CLTCL1: variants seen among roughly 807,000 people sequenced by gnomAD.
The protein encoded by CLTCL1 is clathrin heavy chain 2.
In CLTCL1, 159 loss-of-function variants were observed where a neutral mutation model predicts 190.0. The ratio of observed to expected loss-of-function variants is 0.84; its 90% CI spans 0.74 to 0.95. CLTCL1 has a LOEUF of 0.95. Ranked by LOEUF, CLTCL1 falls within the 40% of genes least tolerant of loss-of-function variation. CLTCL1 has a pLI of 0.00. For missense variants in CLTCL1, 1,878 were observed against 2,033.4 expected (o/e 0.92, Z 1.47); for synonymous variants, 752 against 769.6 (o/e 0.98, Z 0.38).
chr22:19,231,275 A>G (rs549109691), intron 10 of CLTCL1, among the ~76,000 whole-genome samples: 2 of 152,192 alleles, frequency 1.3e-5, no homozygotes, highest in African/African-American at 4.8e-5. Context: ...GCCTAGGCTG[A>G]AGCAGTGACA....
chr22:19,272,650 T>C (rs2087360069), intron 2 of CLTCL1, among the ~76,000 whole-genome samples: 1 of 152,096 alleles, frequency 6.6e-6, no homozygotes, highest in Non-Finnish European at 1.5e-5. Flanking sequence ...TTTGTATTTT[T>C]AGTAGAGAGG....
intron 19 of CLTCL1, among the ~76,000 whole-genome samples, chr22:19,214,889 T>A (rs1301222074): frequency 6.6e-6 from 1 of 152,186 alleles, no homozygotes; most frequent in Non-Finnish European, 1.5e-5. Context: ...CCATGCTGGC[T>A]AGGCTGGTCT....
chr22:19,275,858 A>AT (rs782518391), intron 1 of CLTCL1, 28 bp from the exon 2 acceptor site: 2 of 1,553,482 alleles, frequency 1.3e-6, no homozygotes, highest in South Asian at 2.4e-5. Flanking sequence ...ATTTGATTAA[A>AT]TTTTTTTCCT....
At chr22:19,288,418 T>C (rs113808950) in intron 1 of CLTCL1, among the ~76,000 whole-genome samples, 1 of 152,206 alleles carries the variant, frequency 6.6e-6, no homozygotes, top group African/African-American at 2.4e-5. Flanking sequence ...ATATTCCCCA[T>C]GGGTAAATCG....
chr22:19,210,521 G>A lies in CLTCL1; in HGVS notation c.3066-12C>T, dbSNP rs782023041. The A allele has an allele frequency of 1.9e-6, 3 of 1,606,738 alleles. No homozygotes were observed. The East Asian group carries it at 6.7e-5, about 36-fold the overall frequency. ...GATTCTGTAGATTCCTGAGGAGAGA[G>A]GGTGGTCAGCACGGCATCCCAGGAA... On this transcript the variant is annotated splice_polypyrimidine_tract_variant and intron_variant, in intron 19 of 32. Coordinates refer to ENST00000427926, the MANE Select transcript of CLTCL1 (RefSeq NM_007098.4).
At chr22:19,261,450 G>A (rs889587733) in intron 2 of CLTCL1, among the ~76,000 whole-genome samples, 1 of 152,162 alleles carries the variant, frequency 6.6e-6, no homozygotes, top group East Asian at 1.9e-4. Context: ...CCATAAATAT[G>A]TCTCCTTTGA....
At chr22:19,289,072 C>T (rs1555991759) in intron 1 of CLTCL1, among the ~76,000 whole-genome samples, 1 of 152,206 alleles carries the variant, frequency 6.6e-6, no homozygotes, top group African/African-American at 2.4e-5. Flanking sequence ...CAACCTCTGC[C>T]TCCCGGGTTC....
At chr22:19,225,015 C>A (rs782639286) in intron 13 of CLTCL1, among the ~76,000 whole-genome samples, 2 of 152,208 alleles carry the variant, frequency 1.3e-5, no homozygotes, top group Non-Finnish European at 2.9e-5. Flanking sequence ...GTCAGCCCCC[C>A]ACAATCAACT....
intron 31 of CLTCL1, 133 bp downstream of exon 31, chr22:19,180,598 G>A (rs2084101078): frequency 4.9e-6 from 4 of 809,106 alleles, no homozygotes; most frequent in Non-Finnish European, 8.1e-6. Flanking sequence ...ACACCCAGTA[G>A]CCACTGGGAT....
chr22:19,276,725 A>G (rs1555983537), intron 1 of CLTCL1, among the ~76,000 whole-genome samples: 3 of 152,160 alleles, frequency 2.0e-5, no homozygotes, highest in African/African-American at 7.2e-5. Flanking sequence ...GCTGGAGTGC[A>G]GTGGTGCGAT....
intron 1 of CLTCL1, among the ~76,000 whole-genome samples, chr22:19,291,129 G>C (rs1413378423): frequency 6.6e-6 from 1 of 152,248 alleles, no homozygotes; most frequent in Admixed American, 6.5e-5. Context: ...TTGGCCCTGA[G>C]AAATTTTTCT....
At chr22:19,222,552 G>T in intron 15 of CLTCL1, 132 bp downstream of exon 15, 1 of 1,053,358 alleles carries the variant, frequency 9.5e-7, no homozygotes, top group Non-Finnish European at 1.4e-6. Flanking sequence ...GGCAGTCTGA[G>T]CACACGAACC....
chr22:19,222,774 G>C lies in CLTCL1; in HGVS notation c.2328C>G (p.Ile776Met). The change falls in exon 15 of 33, where the codon ATC (isoleucine) becomes ATG (methionine). Residue 776 changes from isoleucine to methionine, a missense_variant. Coordinates refer to ENST00000427926, the MANE Select transcript of CLTCL1 (RefSeq NM_007098.4). The stretch of plus-strand genomic sequence containing the variant: ...GGACAAAGCCAAAACGATCACACAC[G>C]ATGATGAGGGGAAGCTGGTCTGTGA... ...AKLTDQLPLI[I>M]VCDRFGFVHD... 1 of 1,600,450 alleles carries C rather than the reference G, an allele frequency of 6.2e-7. No individual in the cohort carries two copies. Among genetic ancestry groups the C allele is most frequent in the Non-Finnish European group, 8.5e-7 (1 of 1,173,568 alleles).
At position 19,291,643 on chromosome 22, in the gene CLTCL1, G is replaced by A. The variant is rs1555993985; in HGVS notation, c.-2C>T. 7 of 1,398,072 alleles carry A rather than the reference G, an allele frequency of 5.0e-6. No individual in the cohort carries two copies. The highest frequency in any genetic ancestry group is 6.6e-6 in the Non-Finnish European group (7 of 1,062,048). 86.6% of individuals were successfully genotyped at this position (1,398,072 alleles called of 1,614,324 possible). A position where few individuals can be genotyped will look rare whatever the true frequency, so the allele number is the denominator to read the frequency against. On this transcript the variant is annotated 5_prime_UTR_variant, in exon 1 of 33. Coordinates refer to ENST00000427926, the MANE Select transcript of CLTCL1 (RefSeq NM_007098.4). ...GCGAACAGGGAGGATCTGCGCCATG[G>A]CTGGTGCGGGACCTCGGCGGCGGCG...
At chr22:19,285,280 A>T (rs946268614) in intron 1 of CLTCL1, among the ~76,000 whole-genome samples, 1 of 151,190 alleles carries the variant, frequency 6.6e-6, no homozygotes, top group Non-Finnish European at 1.5e-5. Context: ...ATCTTAAAAA[A>T]AAGAAAAAGA....
intron 18 of CLTCL1, 30 bp from the exon 19 acceptor site, chr22:19,216,286 G>A: frequency 6.2e-7 from 1 of 1,609,866 alleles, no homozygotes; most frequent in Non-Finnish European, 8.5e-7. Context: ...GAAAGAACTT[G>A]ATTAAAGTCA....
Position 19,239,374 on chromosome 22 carries a change from T to C in CLTCL1, c.696A>G (p.Glu232=). 3 of 1,613,766 alleles carry C rather than the reference T, an allele frequency of 1.9e-6. No individual in the cohort carries two copies. The highest frequency in any genetic ancestry group is 2.5e-6 in the Non-Finnish European group (3 of 1,179,638). The change falls in exon 5 of 33, where the codon GAA becomes GAG. Residue 232 remains glutamate (E), a synonymous_variant. Transcript: ENST00000427926. Reference sequence around the variant, plus strand: ...GGTTTCCCGCTGCAGGCTGTCCAACTTCAATGATGTGCAACTAGAAGAGAG... The same window carrying C: ...GGTTTCCCGCTGCAGGCTGTCCAACCTCAATGATGTGCAACTAGAAGAGAG... The part of the protein sequence containing the change: ...NPTGGKLHII[E]VGQPAAGNQP...
chr22:19,254,498 G>A (rs1442790869), intron 2 of CLTCL1, among the ~76,000 whole-genome samples: 2 of 152,172 alleles, frequency 1.3e-5, no homozygotes, highest in Non-Finnish European at 2.9e-5. Flanking sequence ...TGAGAAATTA[G>A]TTCTACTGAA....
chr22:19,227,092 C>A (rs952277214), intron 11 of CLTCL1, among the ~76,000 whole-genome samples: 1 of 151,892 alleles, frequency 6.6e-6, no homozygotes, highest in Admixed American at 6.6e-5. Flanking sequence ...GGGCTCAAGT[C>A]TACCGATTCT....
Sources: allele counts gnomAD v4.1 joint callset (sites outside exome capture counted in the v4.1 genomes callset), GRCh38; gene constraint gnomAD v4.1.1; transcripts MANE v1.5; gene names NCBI Gene and HGNC (gene_info 2026-07-23, HGNC 2026-07-21).